Variants in LINGO2 observed in about 807,000 individuals in gnomAD.
LINGO2 encodes the protein leucine rich repeat and Ig domain containing 2, also known as leucine-rich repeat and immunoglobulin-like domain-containing nogo receptor-interacting protein 2.
Under a neutral mutation model 30.6 loss-of-function variants are expected in LINGO2, and 14 were observed. The ratio of observed to expected loss-of-function variants is 0.46; its 90% confidence interval spans 0.30 to 0.72. The LOEUF (loss-of-function observed/expected upper bound fraction) is 0.72. Among genes scored for constraint, LINGO2 ranks in the 30% least tolerant of loss-of-function variants. The pLI, the probability that LINGO2 is intolerant of heterozygous loss-of-function variation, is 0.07. For missense variants in LINGO2, 729 were observed against 751.7 expected (o/e 0.97, Z 0.35); for synonymous variants, 317 against 288.5 (o/e 1.10, Z -1.00).
chr9:28,666,010 G>A (rs2136027149), intron 1 of LINGO2, among the ~76,000 whole-genome samples: 1 of 151,334 alleles, frequency 6.6e-6, no homozygotes, highest in Admixed American at 6.6e-5. Flanking sequence ...TCCTGCCTCA[G>A]CCTCCTGAGT....
chr9:28,055,043 T>C (rs1210243032), intron 4 of LINGO2, among the ~76,000 whole-genome samples: 2 of 152,006 alleles, frequency 1.3e-5, no homozygotes, highest in Admixed American at 1.3e-4. Flanking sequence ...AAAAAAAATA[T>C]ATATAGCCTC....
At chr9:28,311,614 T>C (rs894110448) in intron 3 of LINGO2, among the ~76,000 whole-genome samples, 1 of 152,148 alleles carries the variant, frequency 6.6e-6, no homozygotes, top group Non-Finnish European at 1.5e-5. Context: ...AGAAGAGAAA[T>C]ATGGCTCTTT....
chr9:27,968,588 T>C (rs1820209732), intron 5 of LINGO2, among the ~76,000 whole-genome samples: 1 of 152,062 alleles, frequency 6.6e-6, no homozygotes, highest in African/African-American at 2.4e-5. Flanking sequence ...GAGTTCTGCT[T>C]TCTCTTCATT....
At chr9:28,203,237 T>C (rs891304345) in intron 4 of LINGO2, among the ~76,000 whole-genome samples, 1 of 152,220 alleles carries the variant, frequency 6.6e-6, no homozygotes, top group Non-Finnish European at 1.5e-5. Context: ...ATGTGTTACA[T>C]AATTCATGTA....
intron 1 of LINGO2, among the ~76,000 whole-genome samples, chr9:28,553,699 G>T (rs549717166): frequency 3.3e-5 from 5 of 151,944 alleles, no homozygotes; most frequent in Admixed American, 3.3e-4. Context: ...ATAATTGTCA[G>T]ATTCACCAAA....
the LINGO2 span, among the ~76,000 whole-genome samples, chr9:29,105,420 T>C: frequency 6.6e-6 from 1 of 152,196 alleles, no homozygotes; most frequent in Non-Finnish European, 1.5e-5. Flanking sequence ...ACCTCAACTT[T>C]ATCTATATGC....
At chr9:28,214,592 A>C (rs971491066) in intron 4 of LINGO2, among the ~76,000 whole-genome samples, 3 of 151,592 alleles carry the variant, frequency 2.0e-5, no homozygotes, top group Non-Finnish European at 3.0e-5. Context: ...TTTCTTTCCC[A>C]TTAGCCTGTA....
intron 1 of LINGO2, among the ~76,000 whole-genome samples, chr9:28,602,461 T>C (rs572629675): frequency 2.8e-4 from 42 of 152,270 alleles, no homozygotes; most frequent in Non-Finnish European, 5.1e-4. Context: ...CTAAATGATA[T>C]GTTTTACTTA....
chr9:28,654,616 T>G (rs1828254502), intron 1 of LINGO2, among the ~76,000 whole-genome samples: 1 of 152,062 alleles, frequency 6.6e-6, no homozygotes, highest in Non-Finnish European at 1.5e-5. Context: ...CCAACTCCAG[T>G]CTCCCATGTC....
chr9:28,222,280 G>T (rs143992822), intron 4 of LINGO2, among the ~76,000 whole-genome samples: 117 of 152,222 alleles, frequency 7.7e-4, no homozygotes, highest in African/African-American at 2.7e-3. Flanking sequence ...CTGTAACTTG[G>T]TATAAGTGTA....
the LINGO2 span, among the ~76,000 whole-genome samples, chr9:28,777,552 A>G: frequency 5.9e-5 from 9 of 152,228 alleles, no homozygotes; most frequent in African/African-American, 1.9e-4. Flanking sequence ...TGAGGTGTTT[A>G]TACAAATTCT....
chr9:28,645,746 A>G (rs186502085), intron 1 of LINGO2, among the ~76,000 whole-genome samples: 23 of 152,212 alleles, frequency 1.5e-4, no homozygotes, highest in Non-Finnish European at 2.8e-4. Context: ...ATCTACTGAA[A>G]ATGATATCTA....
At chr9:28,894,729 A>G in the LINGO2 span, among the ~76,000 whole-genome samples, 1 of 152,062 alleles carries the variant, frequency 6.6e-6, no homozygotes, top group African/African-American at 2.4e-5. Context: ...AATTTATTTT[A>G]AACTGACAAA....
At chr9:28,990,205 C>A in the LINGO2 span, among the ~76,000 whole-genome samples, 12 of 152,212 alleles carry the variant, frequency 7.9e-5, no homozygotes, top group Non-Finnish European at 1.6e-4. Context: ...AGATTATATC[C>A]CGCATCCGGC....
At chr9:28,356,442 T>C (rs1174845503) in intron 3 of LINGO2, among the ~76,000 whole-genome samples, 1 of 152,078 alleles carries the variant, frequency 6.6e-6, no homozygotes, top group African/African-American at 2.4e-5. Flanking sequence ...TCTGGGAAAG[T>C]TGAATGAGTG....
chr9:27,996,471 A>G (rs1821667407), intron 5 of LINGO2, among the ~76,000 whole-genome samples: 1 of 152,176 alleles, frequency 6.6e-6, no homozygotes, highest in Non-Finnish European at 1.5e-5. Flanking sequence ...GAATCCTGTC[A>G]TTTGCAGTAA....
At chr9:27,992,811 G>T (rs1304916364) in intron 5 of LINGO2, among the ~76,000 whole-genome samples, 5 of 151,954 alleles carry the variant, frequency 3.3e-5, no homozygotes, top group African/African-American at 4.8e-5. Context: ...AGTAAATGGT[G>T]CCTTGTGTGA....
the LINGO2 span, among the ~76,000 whole-genome samples, chr9:28,694,184 A>C: frequency 6.6e-6 from 1 of 151,922 alleles, no homozygotes; most frequent in South Asian, 2.1e-4. Flanking sequence ...TTTTATTTTC[A>C]AATAAAGATT....
At position 28,623,381 on chromosome 9, in the gene LINGO2, T is replaced by G. The variant is rs76978221; in HGVS notation, c.-365+46819A>C. Among the ~76,000 whole-genome samples, 1,482 of 152,228 alleles carry G rather than the reference T, an allele frequency of 9.7e-3. 29 individuals carry two copies. Among genetic ancestry groups the G allele is most frequent in the East Asian group, 0.082 (426 of 5,180 alleles). ...TTTGATTTTTGTATATGGAGAGAGATAAGGTTCTAATTTCATTCTTCTGCA... is the reference window on the plus strand; with the variant it reads ...TTTGATTTTTGTATATGGAGAGAGAGAAGGTTCTAATTTCATTCTTCTGCA... On this transcript the variant is annotated intron_variant, in intron 1 of 5. Coordinates refer to ENST00000379992, the Ensembl canonical transcript of LINGO2.
Sources: gnomAD v4.1 joint callset for allele counts (sites outside exome capture counted in the v4.1 genomes callset) on GRCh38, gnomAD v4.1.1 for gene constraint, MANE v1.5 for transcripts, NCBI Gene and HGNC (gene_info 2026-07-23, HGNC 2026-07-21) for gene names.